RACGAP1: variants seen among roughly 807,000 people sequenced by gnomAD.
The protein encoded by RACGAP1 is rac GTPase-activating protein 1.
A neutral mutation model predicts 78.1 loss-of-function variants in RACGAP1; 30 were observed. The ratio of observed to expected loss-of-function variants is 0.38; its 90% CI spans 0.29 to 0.52. The LOEUF (loss-of-function observed/expected upper bound fraction) is 0.52. Ranked by LOEUF, RACGAP1 falls within the 20% of genes least tolerant of loss-of-function variation. The pLI is 0.82. For missense variants in RACGAP1, 587 were observed against 777.1 expected, an observed-to-expected ratio of 0.76 and a Z score of 2.91; for synonymous variants, 231 against 264.8, an observed-to-expected ratio of 0.87 and a Z score of 1.24.
chr12:50,005,620 A>G (rs761891217), intron 3 of RACGAP1, among the ~76,000 whole-genome samples: 39 of 152,330 alleles, frequency 2.6e-4, no homozygotes, highest in Non-Finnish European at 4.1e-4. Flanking sequence ...TTTCTGCTAC[A>G]AGACTTTTGG....
intron 10 of RACGAP1, among the ~76,000 whole-genome samples, chr12:49,996,628 TAAAAAAAAAAAAAAAAAAAAAAAA>T (rs57512055): frequency 1.4e-3 from 26 of 18,998 alleles, no homozygotes; most frequent in East Asian, 4.7e-3. Flanking sequence ...GCAATAGAGC[TAAAAAAAAAAAAAAAAAAAAAAAA>T]AAAAAAAAAA....
chr12:50,015,417 C>T (rs1437153291), intron 2 of RACGAP1, among the ~76,000 whole-genome samples: 3 of 152,166 alleles, frequency 2.0e-5, no homozygotes, highest in Non-Finnish European at 4.4e-5. Flanking sequence ...TGCCTATAAT[C>T]TCATCACTTT....
chr12:49,997,805 C>T lies in RACGAP1; in HGVS notation c.880-601G>A, dbSNP rs146215646. 4.5e-3 allele frequency among the ~76,000 whole-genome samples: 688 copies of T among 151,878 alleles called. 18 individuals are homozygous for T. The East Asian group carries it at 0.087, about 19-fold the overall frequency. On this transcript the variant is annotated intron_variant, in intron 9 of 16. Coordinates refer to ENST00000312377, the MANE Select transcript of RACGAP1 (RefSeq NM_001319999.2). ...GTTGGTCAGGCTGGTCTCGAACTCC[C>T]GACCTCAGGTGATCTGCCTGCGTCA...
intron 2 of RACGAP1, among the ~76,000 whole-genome samples, chr12:50,007,383 G>A (rs929471640): frequency 6.6e-6 from 1 of 152,154 alleles, no homozygotes; most frequent in African/African-American, 2.4e-5. Context: ...TAACCCTGTT[G>A]GCATTCATTC....
chr12:50,033,439 CAGGGAGG>C (rs1950353316), upstream of RACGAP1, among the ~76,000 whole-genome samples: 1 of 151,022 alleles, frequency 6.6e-6, no homozygotes, highest in Non-Finnish European at 1.5e-5. Context: ...AGGACCCCAA[CAGGGAGG>C]AGGCTGGGGA....
intron 1 of RACGAP1, among the ~76,000 whole-genome samples, chr12:50,021,998 G>A (rs1950035081): frequency 6.6e-6 from 1 of 152,180 alleles, no homozygotes; most frequent in Non-Finnish European, 1.5e-5. Flanking sequence ...CTTGCAGAGA[G>A]TAAACAAAAT....
chr12:49,992,339 T>C lies in RACGAP1; in HGVS notation c.1484A>G (p.Asn495Ser). The change falls in exon 14 of 17, where the codon AAT becomes AGT. Residue 495 changes from asparagine (N) to serine (S), a missense_variant. Coordinates refer to ENST00000312377, the MANE Select transcript of RACGAP1 (RefSeq NM_001319999.2). ...TGTAGGGCCAAAGACTTTAGCCAGA[T>C]TGGCAACATCCATTTTAGTATGTGG... The part of the protein sequence containing the change: ...QSPHTKMDVA[N>S]LAKVFGPTIV... 2 of 1,614,202 alleles carry C rather than the reference T, an allele frequency of 1.2e-6. No individual in the cohort carries two copies. Among genetic ancestry groups the C allele is most frequent in the Non-Finnish European group, 1.7e-6 (2 of 1,180,024 alleles).
rs187839968 is a variant in RACGAP1 at position 50,015,458 on chromosome 12, C to T, written c.85+1173G>A. The stretch of plus-strand genomic sequence containing the variant: ...GCAGAAGTGAGAGGACTGCTTGAGG[C>T]CAGGAGTTGGACACTAGCCTGGGTA... On this transcript the variant is annotated intron_variant, in intron 2 of 16. Transcript: ENST00000312377. Among the ~76,000 whole-genome samples, 161 of 152,170 alleles carry T rather than the reference C, an allele frequency of 1.1e-3. 1 individual carries two copies. The highest frequency in any genetic ancestry group is 1.7e-3 in the Non-Finnish European group (113 of 68,010).
At chr12:50,011,870 C>T (rs1178670035) in intron 2 of RACGAP1, among the ~76,000 whole-genome samples, 3 of 141,826 alleles carry the variant, frequency 2.1e-5, no homozygotes, top group Admixed American at 7.7e-5. Context: ...AAGAGAATGG[C>T]GTGAATCTGG....
chr12:50,019,452 C>T (rs1283459084), intron 1 of RACGAP1, among the ~76,000 whole-genome samples: 1 of 152,068 alleles, frequency 6.6e-6, no homozygotes, highest in Non-Finnish European at 1.5e-5. Flanking sequence ...ATTCAGAGAA[C>T]AAACACACAC....
rs113149858 is a variant in RACGAP1 at position 50,022,796 on chromosome 12, T to C, written c.-5+2602A>G. 5.9e-5 allele frequency among the ~76,000 whole-genome samples: 9 copies of C among 152,324 alleles called. 1 individual carries two copies. Among genetic ancestry groups the C allele is most frequent in the African/African-American group, 1.9e-4 (8 of 41,580 alleles). Reference sequence around the variant, plus strand: ...GAGTTGATGAACAACTATTTAACTATTCTCTTCTTTGGACGTTTAGGTCAT... The same window carrying C: ...GAGTTGATGAACAACTATTTAACTACTCTCTTCTTTGGACGTTTAGGTCAT... On this transcript the variant is annotated intron_variant, in intron 1 of 16. Transcript: ENST00000312377.
In RACGAP1 at chr12:49,992,239, G is replaced by A. The variant is rs879533452; in HGVS notation, c.1578+6C>T. 9.3e-6 allele frequency: 15 copies of A among 1,613,902 alleles called. No individual in the cohort carries two copies. The highest frequency in any genetic ancestry group is 1.3e-5 in the Non-Finnish European group (15 of 1,179,974). On this transcript the variant is annotated splice_donor_region_variant and intron_variant, in intron 14 of 16. Transcript: ENST00000312377. ...TTCACATACACACACACACGCACCT[G>A]CCTACCTTGGGTTGACGCTTGATGT...
upstream of RACGAP1, among the ~76,000 whole-genome samples, chr12:50,033,390 C>T (rs903287835): frequency 6.6e-6 from 1 of 151,974 alleles, no homozygotes; most frequent in Non-Finnish European, 1.5e-5. Context: ...TCAAGACTGT[C>T]AAAGAAGAGA....
At position 50,002,282 on chromosome 12, in the gene RACGAP1, C is replaced by A; in HGVS notation, c.514G>T (p.Val172Leu). ...DESLDWDSSL[V>L]KTFKLKKREK... Reference sequence around the variant, plus strand: ...CTCTTCTTCAGTTTGAAAGTCTTCACCAAAGAAGAGTCCCAATCCTGTTGA... The same window carrying A: ...CTCTTCTTCAGTTTGAAAGTCTTCAACAAAGAAGAGTCCCAATCCTGTTGA... Residue 172 changes from valine to leucine, a missense_variant, in exon 6 of 17, where the codon GTG becomes TTG. Coordinates refer to ENST00000312377, the MANE Select transcript of RACGAP1 (RefSeq NM_001319999.2). The A allele has an allele frequency of 6.2e-7, 1 of 1,613,572 alleles. No homozygotes were observed. Among genetic ancestry groups the A allele is most frequent in the Admixed American group, 1.7e-5 (1 of 59,974 alleles).
intron 1 of RACGAP1, among the ~76,000 whole-genome samples, chr12:50,024,659 AT>A (rs1056045688): frequency 7.9e-5 from 12 of 152,210 alleles, no homozygotes; most frequent in East Asian, 7.7e-4. Context: ...ATATACAAAA[AT>A]TTTTTTAAGT....
intron 1 of RACGAP1, chr12:50,016,988 G>A: frequency 8.3e-7 from 1 of 1,202,528 alleles, no homozygotes; most frequent in Non-Finnish European, 1.0e-6. Context: ...AAACAAATAG[G>A]AAAGAGCATG....
At chr12:50,015,749 C>T (rs562713858) in intron 2 of RACGAP1, among the ~76,000 whole-genome samples, 4 of 151,578 alleles carry the variant, frequency 2.6e-5, no homozygotes, top group African/African-American at 9.7e-5. Context: ...TTGCAGTGAG[C>T]CGAGATCGCA....
upstream of RACGAP1, among the ~76,000 whole-genome samples, chr12:50,030,255 A>C (rs918183249): frequency 6.6e-6 from 1 of 151,630 alleles, no homozygotes; most frequent in Non-Finnish European, 1.5e-5. Flanking sequence ...AGCCTGAGGC[A>C]GGAGGATCAC....
At chr12:49,991,281 G>C (rs926072228) in intron 15 of RACGAP1, among the ~76,000 whole-genome samples, 22 of 151,078 alleles carry the variant, frequency 1.5e-4, no homozygotes, top group Non-Finnish European at 2.9e-5. Context: ...CCACTCTTAG[G>C]AATTTATCAT....
Sources: gnomAD v4.1 joint callset for allele counts (sites outside exome capture counted in the v4.1 genomes callset) on GRCh38, gnomAD v4.1.1 for gene constraint, MANE v1.5 for transcripts, NCBI Gene and HGNC (gene_info 2026-07-23, HGNC 2026-07-21) for gene names.